CTNNA1: variants seen among roughly 807,000 people sequenced by gnomAD.
CTNNA1 encodes catenin alpha-1.
A neutral mutation model predicts 98.4 loss-of-function variants in CTNNA1; 37 were observed. That is an observed-to-expected ratio of 0.38 (90% CI 0.29 to 0.49). CTNNA1 has a LOEUF of 0.49. Ranked by LOEUF, CTNNA1 falls within the 20% of genes least tolerant of loss-of-function variation. The pLI is 0.95. For synonymous variants in CTNNA1, 404 were observed against 413.2 expected (o/e 0.98, Z 0.27); for missense variants, 761 against 1,147.2 (o/e 0.66, Z 4.86).
chr5:138,811,056 C>T (rs1257885295), intron 4 of CTNNA1, among the ~76,000 whole-genome samples: 16 of 151,986 alleles, frequency 1.1e-4, no homozygotes, highest in African/African-American at 2.7e-4. Flanking sequence ...GGCTGCCGGG[C>T]GGAGACGCTC....
chr5:138,838,194 C>G (rs938390380), intron 7 of CTNNA1, among the ~76,000 whole-genome samples: 4 of 152,250 alleles, frequency 2.6e-5, no homozygotes, highest in African/African-American at 9.6e-5. Flanking sequence ...AGCCATGGCA[C>G]CCAGCCCAAC....
intron 9 of CTNNA1, among the ~76,000 whole-genome samples, chr5:138,903,352 T>C (rs1202338397): frequency 2.0e-5 from 3 of 152,204 alleles, no homozygotes; most frequent in Admixed American, 1.3e-4. Flanking sequence ...TTGCCCTTGT[T>C]TACTCTAGCA....
intron 7 of CTNNA1, chr5:138,871,850 TG>T (rs1750670204): frequency 6.6e-6 from 1 of 151,438 alleles, no homozygotes; most frequent in African/African-American, 2.4e-5. Context: ...AGTTGGAAAG[TG>T]TTTTTTTTCA....
intron 1 of CTNNA1, among the ~76,000 whole-genome samples, chr5:138,763,340 C>G (rs1323734033): frequency 2.6e-5 from 4 of 152,124 alleles, no homozygotes; most frequent in Admixed American, 2.0e-4. Context: ...TGCATTCTTT[C>G]TAGGCAAAGA....
At chr5:138,932,449 G>A in intron 16 of CTNNA1, 129 bp from the exon 17 acceptor site, 1 of 1,469,926 alleles carries the variant, frequency 6.8e-7, no homozygotes, top group South Asian at 1.4e-5. Flanking sequence ...CAGGTAATTG[G>A]GTGATTTTGC....
In CTNNA1 at chr5:138,900,258, T is replaced by TGA. The variant is rs555976505; in HGVS notation, c.1297-4090_1297-4089dup. ...TGGCCCAGGGGCACAGGGGAAGAGATGAATGTTTTGAACTCTGTTCCTTTG... is the reference window on the plus strand; with the variant it reads ...TGGCCCAGGGGCACAGGGGAAGAGATGAGAATGTTTTGAACTCTGTTCCTTTG... On this transcript the variant is annotated intron_variant, in intron 9 of 17. Coordinates refer to ENST00000302763, the MANE Select transcript of CTNNA1 (RefSeq NM_001903.5). Among the ~76,000 whole-genome samples the TGA allele has an allele frequency of 1.8e-3, 281 of 152,292 alleles. 1 individual carries two copies. The highest frequency in any genetic ancestry group is 3.4e-3 in the Middle Eastern group (1 of 294).
At chr5:138,780,453 A>G (rs1439179313) in intron 1 of CTNNA1, among the ~76,000 whole-genome samples, 1 of 151,622 alleles carries the variant, frequency 6.6e-6, no homozygotes, top group Non-Finnish European at 1.5e-5. Flanking sequence ...TCAGCCTCCC[A>G]AAGTGCTGGG....
chr5:138,897,059 A>G (rs1196476894), intron 9 of CTNNA1, among the ~76,000 whole-genome samples: 1 of 148,884 alleles, frequency 6.7e-6, no homozygotes, highest in Non-Finnish European at 1.5e-5. Flanking sequence ...TATAAAAATG[A>G]TATATTATTC....
At chr5:138,847,122 A>G (rs191327862) in intron 7 of CTNNA1, among the ~76,000 whole-genome samples, 266 of 152,340 alleles carry the variant, frequency 1.7e-3, no homozygotes, top group African/African-American at 5.1e-3. Flanking sequence ...ATTGCAAAAA[A>G]AGATGTAGCA....
chr5:138,837,169 C>G (rs1001377971), intron 7 of CTNNA1, among the ~76,000 whole-genome samples: 21 of 152,266 alleles, frequency 1.4e-4, no homozygotes, highest in Middle Eastern at 3.4e-3. Flanking sequence ...TCTATCAAGT[C>G]TTGAAGTGAG....
intron 5 of CTNNA1, among the ~76,000 whole-genome samples, chr5:138,817,786 T>C (rs1453940564): frequency 6.6e-6 from 1 of 152,230 alleles, no homozygotes; most frequent in Non-Finnish European, 1.5e-5. Context: ...TTCTTCTTCA[T>C]GCATTCTTTT....
intron 14 of CTNNA1, among the ~76,000 whole-genome samples, chr5:138,929,563 C>T (rs1764872342): frequency 6.6e-6 from 1 of 152,214 alleles, no homozygotes. Flanking sequence ...CCTGGGCCTC[C>T]TCTGCAGTGC....
chr5:138,809,339 T>C (rs1397861335), intron 3 of CTNNA1, among the ~76,000 whole-genome samples: 1 of 152,236 alleles, frequency 6.6e-6, no homozygotes, highest in Non-Finnish European at 1.5e-5. Context: ...ATTATTTGCC[T>C]TTTGACTCCA....
intron 13 of CTNNA1, among the ~76,000 whole-genome samples, chr5:138,928,042 C>G (rs1295934140): frequency 6.6e-6 from 1 of 152,184 alleles, no homozygotes; most frequent in Non-Finnish European, 1.5e-5. Context: ...ACAGCACGTT[C>G]TTGGTGGTTC....
Position 138,870,482 on chromosome 5 carries a change from A to G in CTNNA1, c.1063-15730A>G, listed in dbSNP as rs377003957. 27 of 152,302 alleles carry G rather than the reference A, an allele frequency of 1.8e-4. No homozygotes were observed. In the East Asian group the frequency reaches 1.9e-3, roughly 11 times the overall value. The allele number at this position is 152,302 out of a possible 1,614,324, so 9.4% of individuals were successfully genotyped here. ...AAAGTATGCCTCGCTAGCCTTGGCT[A>G]TGCTGTTCCTCTGAATTAGTAAATG... On this transcript the variant is annotated intron_variant, in intron 7 of 17. Transcript: ENST00000302763.
intron 9 of CTNNA1, among the ~76,000 whole-genome samples, chr5:138,892,328 GTTTTTTTTTTTT>G (rs70982738): frequency 1.1e-4 from 9 of 79,248 alleles, no homozygotes; most frequent in South Asian, 4.7e-4. Flanking sequence ...AAATAGCTTA[GTTTTTTTTTTTT>G]TTTTTTTTTT....
chr5:138,785,151 T>C (rs1755537714), intron 3 of CTNNA1, among the ~76,000 whole-genome samples: 1 of 147,766 alleles, frequency 6.8e-6, no homozygotes. Flanking sequence ...AAGCTCCGCC[T>C]CCCGGGTTCA....
intron 7 of CTNNA1, among the ~76,000 whole-genome samples, chr5:138,858,628 T>C (rs1247374057): frequency 1.4e-5 from 2 of 148,046 alleles, no homozygotes; most frequent in African/African-American, 2.5e-5. Context: ...CAGAGTCTTA[T>C]TCTGTCACCC....
At chr5:138,775,597 C>T (rs1204046143) in intron 1 of CTNNA1, among the ~76,000 whole-genome samples, 4 of 151,948 alleles carry the variant, frequency 2.6e-5, no homozygotes, top group Admixed American at 6.6e-5. Context: ...CTGTTTAATT[C>T]AGTACCCATA....
Sources: allele counts gnomAD v4.1 joint callset (sites outside exome capture counted in the v4.1 genomes callset), GRCh38; gene constraint gnomAD v4.1.1; transcripts MANE v1.5; gene names NCBI Gene and HGNC (gene_info 2026-07-23, HGNC 2026-07-21).